ZNF286A: variants seen among roughly 807,000 people sequenced by gnomAD.
The protein encoded by ZNF286A is zinc finger protein ZNF286.
ZNF286A carries 34 observed loss-of-function variants against 49.3 expected under a neutral mutation model. The observed-to-expected ratio is 0.69, with a 90% CI of 0.52 to 0.92. The LOEUF is 0.92. Ranked by LOEUF, ZNF286A falls within the 40% of genes least tolerant of loss-of-function variation. ZNF286A has a pLI of 0.00. For synonymous variants in ZNF286A, 155 were observed against 200.4 expected, an observed-to-expected ratio of 0.77 and a Z score of 1.91; for missense variants, 462 against 600.2, an observed-to-expected ratio of 0.77 and a Z score of 2.41.
At chr17:15,702,386 G>A (rs894729056) in intron 3 of ZNF286A, among the ~76,000 whole-genome samples, 2 of 151,586 alleles carry the variant, frequency 1.3e-5, no homozygotes, top group African/African-American at 4.8e-5. Flanking sequence ...TTGGTGGTGC[G>A]CACTTGTAAT....
In ZNF286A at chr17:15,717,033, C is replaced by T; in HGVS notation, c.1309C>T (p.Pro437Ser). 1.2e-6 allele frequency: 2 copies of T among 1,614,112 alleles called. No individual in the cohort carries two copies. Among genetic ancestry groups the T allele is most frequent in the Non-Finnish European group, 1.7e-6 (2 of 1,180,020 alleles). Residue 437 changes from proline (P) to serine (S), a missense_variant, in exon 6 of 6, where the codon CCC becomes TCC. By Grantham distance (74) the Pro-to-Ser change is moderately conservative (BLOSUM62 -1). This residue lies in a region of ZNF286A where 201 missense variants were observed against 311.3 expected (regional missense o/e 0.65). Transcript: ENST00000583566. ...TCAGAGAATTCACACTGGAGAGAAA[C>T]CCTATGAGTGTAATGAATGTGGGAA... is the stretch of plus-strand genomic sequence containing the variant. Reference protein sequence around the residue: ...QHQRIHTGEKPYECNECGKTF... With the variant: ...QHQRIHTGEKSYECNECGKTF...
chr17:15,699,948 G>A, intron 1 of ZNF286A, 171 bp downstream of exon 1: 1 of 625,060 alleles, frequency 1.6e-6, no homozygotes, highest in East Asian at 2.7e-5. Context: ...CGGGGGACGC[G>A]GTTGTGCCAC....
intron 5 of ZNF286A, among the ~76,000 whole-genome samples, chr17:15,709,139 G>A: frequency 6.6e-6 from 1 of 151,740 alleles, no homozygotes; most frequent in Non-Finnish European, 1.5e-5. Context: ...ATCCTTTTGA[G>A]GTGTGTGATG....
chr17:15,704,703 C>T, intron 3 of ZNF286A: 1 of 1,613,818 alleles, frequency 6.2e-7, no homozygotes, highest in East Asian at 2.2e-5. Context: ...AGTCCTTCCC[C>T]AGCAGGAGTT....
At chr17:15,705,130 G>A (rs956574546) in intron 3 of ZNF286A, among the ~76,000 whole-genome samples, 1 of 152,080 alleles carries the variant, frequency 6.6e-6, no homozygotes, top group Non-Finnish European at 1.5e-5. Flanking sequence ...ATTATTTTCC[G>A]CATAGTAGCT....
chr17:15,719,580 G>A lies in ZNF286A; in HGVS notation c.*2290G>A. On this transcript the variant is annotated 3_prime_UTR_variant, in exon 6 of 6. Coordinates refer to ENST00000583566, the MANE Select transcript of ZNF286A (RefSeq NM_001130842.2). ...TCACATGGTAGAAGGGGAGAGCTCT[G>A]GTATCTTCAGCCCCTTATAAGGGCA... is the stretch of plus-strand genomic sequence containing the variant. The A allele has an allele frequency of 6.6e-6, 1 of 151,932 alleles. No individual in the cohort carries two copies. The highest frequency in any genetic ancestry group is 2.4e-5 in the African/African-American group (1 of 41,298). The allele number at this position is 151,932 out of a possible 1,614,324, so 9.4% of individuals were successfully genotyped here.
Position 15,717,023 on chromosome 17 carries a change from T to G in ZNF286A, c.1299T>G (p.Thr433=), listed in dbSNP as rs1476775534. The change falls in exon 6 of 6, where the codon ACT becomes ACG. Residue 433 remains threonine, a synonymous_variant. Transcript: ENST00000583566. ...THLVQHQRIH[T]GEKPYECNEC... Reference sequence around the variant, plus strand: ...TTGTTCAACATCAGAGAATTCACACTGGAGAGAAACCCTATGAGTGTAATG... The same window carrying G: ...TTGTTCAACATCAGAGAATTCACACGGGAGAGAAACCCTATGAGTGTAATG... 1.2e-6 allele frequency: 2 copies of G among 1,613,998 alleles called. No individual in the cohort carries two copies. The highest frequency in any genetic ancestry group is 2.7e-5 in the African/African-American group (2 of 74,928).
intron 4 of ZNF286A, 115 bp downstream of exon 4, chr17:15,706,616 T>G: frequency 1.4e-6 from 1 of 698,700 alleles, no homozygotes; most frequent in Admixed American, 3.1e-5. Flanking sequence ...AAGTGTTAAT[T>G]CTTTTTGGCC....
At position 15,716,242 on chromosome 17, in the gene ZNF286A, T is replaced by A. The variant is rs752447639; in HGVS notation, c.518T>A (p.Leu173Ter). Residue 173 changes from leucine to a stop codon, truncating the protein, a stop_gained, in exon 6 of 6, where the codon TTG becomes TAG. Coordinates refer to ENST00000583566, the MANE Select transcript of ZNF286A (RefSeq NM_001130842.2). LOFTEE classifies it high-confidence loss of function. ...ENQQGNQERHLREMFTHMNSL... is the reference protein window; with the variant it reads ...ENQQGNQERH ...CAGCAAGGAAATCAGGAGAGACATT[T>A]GAGAGAAATGTTCACTCACATGAAT... The A allele has an allele frequency of 6.2e-7, 1 of 1,613,900 alleles. No individual in the cohort carries two copies.
At chr17:15,709,221 G>C (rs1446804693) in intron 5 of ZNF286A, among the ~76,000 whole-genome samples, 5 of 149,788 alleles carry the variant, frequency 3.3e-5, no homozygotes, top group African/African-American at 1.2e-4. Context: ...TGGGTGTGGT[G>C]ACTCACGCCT....
rs1427643786 is a variant in ZNF286A at position 15,701,217 on chromosome 17, C to T, written c.103C>T (p.Leu35=). 6.2e-7 allele frequency: 1 copy of T among 1,614,148 alleles called. No homozygotes were observed. Among genetic ancestry groups the T allele is most frequent in the Non-Finnish European group, 8.5e-7 (1 of 1,180,042 alleles). Residue 35 remains leucine (L), a synonymous_variant, in exon 3 of 6, where the codon CTG becomes TTG. Coordinates refer to ENST00000583566, the MANE Select transcript of ZNF286A (RefSeq NM_001130842.2). The part of the protein sequence containing the change: ...KSTEEGEVAA[L]RLTARSQETV... ...CACAGAAGAGGGAGAAGTGGCTGCT[C>T]TGCGCCTCACGGCCAGATCCCAGGT...
chr17:15,704,969 G>A (rs935149854), intron 3 of ZNF286A: 63 of 1,271,230 alleles, frequency 5.0e-5, no homozygotes, highest in Non-Finnish European at 6.3e-5. Flanking sequence ...CGGCCGGGGC[G>A]GGGGCCCAAC....
chr17:15,706,545 A>ATTAC, intron 4 of ZNF286A, 44 bp downstream of exon 4: 1 of 1,402,644 alleles, frequency 7.1e-7, no homozygotes, highest in Non-Finnish European at 9.7e-7. Flanking sequence ...TAGGAGCATC[A>ATTAC]TTACTTTAAT....
intron 3 of ZNF286A, among the ~76,000 whole-genome samples, chr17:15,703,402 G>A (rs577091705): frequency 5.1e-4 from 78 of 151,936 alleles, no homozygotes; most frequent in South Asian, 3.8e-3. Flanking sequence ...CAATATTGGA[G>A]CTTTTTTTCT....
At chr17:15,704,350 G>T (rs1990030120) in intron 3 of ZNF286A, 5 of 1,610,724 alleles carry the variant, frequency 3.1e-6, no homozygotes, top group African/African-American at 2.7e-5. Context: ...GCCCCCTGGG[G>T]CCCCAGGGTC....
At chr17:15,704,045 A>C (rs971775314) in intron 3 of ZNF286A, among the ~76,000 whole-genome samples, 7 of 147,340 alleles carry the variant, frequency 4.8e-5, no homozygotes, top group Non-Finnish European at 8.9e-5. Context: ...TTAAGGGAAT[A>C]ATTCTCTTAT....
chr17:15,713,055 A>G (rs1245037717), intron 5 of ZNF286A, among the ~76,000 whole-genome samples: 2 of 152,212 alleles, frequency 1.3e-5, no homozygotes, highest in African/African-American at 2.4e-5. Context: ...TTACTATACT[A>G]CAAGTTAAAA....
intron 3 of ZNF286A, among the ~76,000 whole-genome samples, chr17:15,703,261 G>A (rs566898530): frequency 2.6e-5 from 4 of 151,102 alleles, no homozygotes; most frequent in Admixed American, 2.0e-4. Context: ...GGTACCAGAA[G>A]CGTGAATATA....
chr17:15,707,025 C>A (rs1990275462), intron 4 of ZNF286A, among the ~76,000 whole-genome samples: 1 of 152,086 alleles, frequency 6.6e-6, no homozygotes, highest in South Asian at 2.1e-4. Context: ...TACTCTGTGG[C>A]CAGTTTTAGA....
Sources: allele counts gnomAD v4.1 joint callset (sites outside exome capture counted in the v4.1 genomes callset), GRCh38; gene constraint gnomAD v4.1.1; regional missense constraint gnomAD v4.1.1; transcripts MANE v1.5; gene names NCBI Gene and HGNC (gene_info 2026-07-23, HGNC 2026-07-21).